SYN3: variants seen among roughly 807,000 people sequenced by gnomAD.
SYN3 encodes synapsin-3.
A neutral mutation model predicts 65.8 loss-of-function variants in SYN3; 35 were observed. The observed-to-expected ratio is 0.53, with a 90% CI of 0.41 to 0.70. The LOEUF (loss-of-function observed/expected upper bound fraction) is 0.70. Ranked by LOEUF, SYN3 falls within the 30% of genes least tolerant of loss-of-function variation. The pLI is 0.00. For missense variants in SYN3, 680 were observed against 749.0 expected, an observed-to-expected ratio of 0.91 and a Z score of 1.08; for synonymous variants, 270 against 292.9, an observed-to-expected ratio of 0.92 and a Z score of 0.80.
At chr22:32,909,382 G>A (rs137542) in intron 4 of SYN3, among the ~76,000 whole-genome samples, 149,391 of 152,254 alleles carry the variant, frequency 0.98, 73,300 homozygotes, top group East Asian at 1. Context: ...TAATCTGTGC[G>A]CTAGTTTACT....
intron 1 of SYN3, among the ~76,000 whole-genome samples, chr22:33,046,589 TC>T (rs2054068812): frequency 2.6e-5 from 4 of 151,820 alleles, no homozygotes; most frequent in Non-Finnish European, 5.9e-5. Flanking sequence ...CGAGGTGGAA[TC>T]CCAGCACTTT....
intron 1 of SYN3, among the ~76,000 whole-genome samples, chr22:33,042,383 C>T (rs1233159827): frequency 2.0e-5 from 3 of 152,170 alleles, no homozygotes; most frequent in Non-Finnish European, 4.4e-5. Context: ...AGAAGCAAAG[C>T]CCTTTAGTCA....
At position 32,943,671 on chromosome 22, in the gene SYN3, A is replaced by G. The variant is rs1601749264; in HGVS notation, c.370-12190T>C. 2.0e-5 allele frequency among the ~76,000 whole-genome samples: 3 copies of G among 152,248 alleles called. No homozygotes were observed. The South Asian group carries it at 6.2e-4, about 32-fold the overall frequency. Reference sequence around the variant, plus strand: ...GACTGGCAAATTGGATAAAGAGTCAAGACCCATCAGTGTGCTGTATTCAGT... The same window carrying G: ...GACTGGCAAATTGGATAAAGAGTCAGGACCCATCAGTGTGCTGTATTCAGT... On this transcript the variant is annotated intron_variant, in intron 3 of 13. Coordinates refer to ENST00000358763, the MANE Select transcript of SYN3 (RefSeq NM_003490.4).
intron 6 of SYN3, among the ~76,000 whole-genome samples, chr22:32,626,008 G>C (rs77107884): frequency 0.042 from 6,330 of 152,266 alleles, 450 homozygotes; most frequent in African/African-American, 0.14. Flanking sequence ...ATCAGGAAAG[G>C]CTTAAGGAAG....
intron 4 of SYN3, among the ~76,000 whole-genome samples, chr22:32,916,359 A>G (rs562819155): frequency 6.6e-6 from 1 of 152,362 alleles, no homozygotes; most frequent in East Asian, 1.9e-4. Flanking sequence ...TTGTTCCACA[A>G]AAAAACTTTA....
intron 3 of SYN3, among the ~76,000 whole-genome samples, chr22:32,971,659 C>T (rs73408556): frequency 0.028 from 4,305 of 152,228 alleles, 215 homozygotes; most frequent in African/African-American, 0.097. Flanking sequence ...TCCTAGAAAT[C>T]GAGACCAGAA....
intron 6 of SYN3, among the ~76,000 whole-genome samples, chr22:32,838,802 T>A (rs1187351919): frequency 6.6e-6 from 1 of 151,892 alleles, no homozygotes; most frequent in Non-Finnish European, 1.5e-5. Flanking sequence ...CACAGCCTCA[T>A]TCATTCATTC....
intron 6 of SYN3, among the ~76,000 whole-genome samples, chr22:32,661,331 C>T (rs2060213368): frequency 6.6e-6 from 1 of 152,238 alleles, no homozygotes; most frequent in Non-Finnish European, 1.5e-5. Flanking sequence ...GTCCAATCTC[C>T]TTGCATTCCA....
intron 4 of SYN3, among the ~76,000 whole-genome samples, chr22:32,916,915 G>T (rs184274431): frequency 1.6e-3 from 242 of 152,284 alleles, no homozygotes; most frequent in Non-Finnish European, 2.4e-3. Flanking sequence ...CATCCCTGTT[G>T]TGGGGCTCTC....
intron 7 of SYN3, among the ~76,000 whole-genome samples, chr22:32,587,273 C>T (rs2059061192): frequency 6.8e-6 from 1 of 147,788 alleles, no homozygotes; most frequent in African/African-American, 2.5e-5. Context: ...TAAAGGAGGC[C>T]AGTGGCCATC....
At chr22:32,602,094 A>G (rs1332087423) in intron 6 of SYN3, among the ~76,000 whole-genome samples, 1 of 152,210 alleles carries the variant, frequency 6.6e-6, no homozygotes, top group African/African-American at 2.4e-5. Flanking sequence ...TATGTCCAAT[A>G]AAACCCCCAG....
chr22:32,585,923 T>C (rs1460656034), intron 7 of SYN3, among the ~76,000 whole-genome samples: 1 of 62,492 alleles, frequency 1.6e-5, no homozygotes, highest in African/African-American at 5.3e-5. Context: ...TACATATATG[T>C]GTATATACGT....
At chr22:32,758,988 T>C (rs1018790) in intron 6 of SYN3, among the ~76,000 whole-genome samples, 41,444 of 151,358 alleles carry the variant, frequency 0.27, 6,210 homozygotes, top group East Asian at 0.38. Flanking sequence ...AAACTGCATT[T>C]CAAGGGAGGG....
At chr22:32,871,797 A>T (rs1053695134) in intron 4 of SYN3, among the ~76,000 whole-genome samples, 2 of 151,692 alleles carry the variant, frequency 1.3e-5, no homozygotes, top group Admixed American at 1.3e-4. Context: ...TTTTATTATT[A>T]TTTTTTATTT....
intron 7 of SYN3, among the ~76,000 whole-genome samples, chr22:32,572,380 A>T (rs1425774074): frequency 2.5e-3 from 44 of 17,600 alleles, no homozygotes; most frequent in African/African-American, 4.4e-3. Flanking sequence ...CCTCCCTCCC[A>T]TCTTTCCTTC....
At chr22:32,858,525 C>T (rs2048442842) in intron 6 of SYN3, among the ~76,000 whole-genome samples, 1 of 152,146 alleles carries the variant, frequency 6.6e-6, no homozygotes, top group Admixed American at 6.5e-5. Flanking sequence ...GCTAACCCCA[C>T]CCCAGGTAGG....
At chr22:32,726,289 T>C (rs577991123) in intron 6 of SYN3, among the ~76,000 whole-genome samples, 19 of 152,308 alleles carry the variant, frequency 1.2e-4, no homozygotes, top group South Asian at 2.1e-4. Context: ...ATTATAGGCA[T>C]ACGCCACCAC....
intron 6 of SYN3, among the ~76,000 whole-genome samples, chr22:32,666,145 T>C (rs2147037457): frequency 6.6e-6 from 1 of 152,302 alleles, no homozygotes; most frequent in Admixed American, 6.5e-5. Context: ...GTCATTTTCC[T>C]CCACCATTAC....
chr22:32,711,166 G>T (rs1189126748), intron 6 of SYN3, among the ~76,000 whole-genome samples: 1 of 152,184 alleles, frequency 6.6e-6, no homozygotes, highest in African/African-American at 2.4e-5. Context: ...GAATGGGTTG[G>T]TCACCCTACA....
Sources: allele counts gnomAD v4.1 joint callset (sites outside exome capture counted in the v4.1 genomes callset), GRCh38; gene constraint gnomAD v4.1.1; transcripts MANE v1.5; gene names NCBI Gene and HGNC (gene_info 2026-07-23, HGNC 2026-07-21).